The following CENPF variants were observed in gnomAD, a reference collection of about 807,000 sequenced individuals.
CENPF encodes the protein centromere protein F.
CENPF carries 214 observed loss-of-function variants against 307.3 expected under a neutral mutation model. The ratio of observed to expected loss-of-function variants is 0.70; its 90% CI spans 0.62 to 0.78. CENPF has a LOEUF of 0.78. Among genes scored for constraint, CENPF ranks in the 30% least tolerant of loss-of-function variants. CENPF has a pLI of 0.00. For missense variants in CENPF, 3,401 were observed against 3,483.9 expected, an observed-to-expected ratio of 0.98 and a Z score of 0.60; for synonymous variants, 1,259 against 1,270.6, an observed-to-expected ratio of 0.99 and a Z score of 0.19.
rs201909832 is a variant in CENPF at position 214,658,951 on chromosome 1, C to T, written c.9064C>T (p.Leu3022=). 9.3e-6 allele frequency: 15 copies of T among 1,614,106 alleles called. No individual in the cohort carries two copies. In the East Asian group the frequency reaches 3.1e-4, roughly 34 times the overall value. The change falls in exon 19 of 20, where the codon CTA becomes TTA. Residue 3022 remains leucine, a synonymous_variant. Transcript: ENST00000366955. Reference sequence around the variant, plus strand: ...CCGCCTGGCTGCACAGAAGTTAGCGCTATCCCCACTGAGTCTCGGCAAAGA... The same window carrying T: ...CCGCCTGGCTGCACAGAAGTTAGCGTTATCCCCACTGAGTCTCGGCAAAGA... ...SPRLAAQKLA[L]SPLSLGKENL... is the part of the protein sequence containing the mutation.
Position 214,640,130 on chromosome 1 carries a change from T to C in CENPF, c.1792T>C (p.Leu598=), listed in dbSNP as rs1289287752. The C allele has an allele frequency of 6.3e-7, 1 of 1,586,322 alleles. No individual in the cohort carries two copies. Among genetic ancestry groups the C allele is most frequent in the Non-Finnish European group, 8.5e-7 (1 of 1,172,674 alleles). ...CAAGACAGAGAAAGAGTCCAAAGCC[T>C]TGCTGAGTGCTTTAGAGTTAAAAAA... ...LSKTEKESKA[L]LSALELKKKE... The change falls in exon 12 of 20, where the codon TTG becomes CTG. Residue 598 remains leucine (L), a synonymous_variant. Transcript: ENST00000366955.
In CENPF at chr1:214,646,411, A is replaced by G. The variant is rs1658302152; in HGVS notation, c.6841A>G (p.Ile2281Val). ...AVAALCGDQE[I>V]MKATEQSLDP... ...AGCAGCCTTGTGTGGTGACCAAGAAATTATGAAGGCCACAGAACAGAGTCT... is the reference window on the plus strand; with the variant it reads ...AGCAGCCTTGTGTGGTGACCAAGAAGTTATGAAGGCCACAGAACAGAGTCT... The change falls in exon 13 of 20, where the codon ATT becomes GTT. Residue 2281 changes from isoleucine to valine, a missense_variant. Physicochemically the swap from Ile to Val is conservative, Grantham distance 29. Transcript: ENST00000366955. 6.2e-7 allele frequency: 1 copy of G among 1,614,014 alleles called. No homozygotes were observed. Among genetic ancestry groups the G allele is most frequent in the Admixed American group, 1.7e-5 (1 of 60,004 alleles).
intron 7 of CENPF, among the ~76,000 whole-genome samples, chr1:214,628,795 C>T (rs1020488690): frequency 6.6e-6 from 1 of 152,188 alleles, no homozygotes; most frequent in African/African-American, 2.4e-5. Flanking sequence ...AGGCTAACAC[C>T]ATTGCATTTT....
chr1:214,644,808 T>G lies in CENPF; in HGVS notation c.5238T>G (p.Ile1746Met). The G allele has an allele frequency of 6.2e-7, 1 of 1,614,016 alleles. No individual in the cohort carries two copies. Among genetic ancestry groups the G allele is most frequent in the Non-Finnish European group, 8.5e-7 (1 of 1,179,970 alleles). ...AAACCCAGGGCTCTTCAGAATGCAT[T>G]TCTGAATTGTCATTTTCTGGTCCTA... ...EDKTQGSSEC[I>M]SELSFSGPNA... Residue 1746 changes from isoleucine (I) to methionine (M), a missense_variant, in exon 13 of 20, where the codon ATT becomes ATG. By Grantham distance (10) the Ile-to-Met change is conservative. Coordinates refer to ENST00000366955, the MANE Select transcript of CENPF (RefSeq NM_016343.4).
chr1:214,610,172 A>G (rs1261752520), intron 1 of CENPF, among the ~76,000 whole-genome samples: 1 of 151,988 alleles, frequency 6.6e-6, no homozygotes, highest in Non-Finnish European at 1.5e-5. Flanking sequence ...ATGTGTCTTT[A>G]TGGCTGAATG....
chr1:214,641,626 T>G lies in CENPF; in HGVS notation c.3288T>G (p.Asn1096Lys), dbSNP rs752613202. The change falls in exon 12 of 20, where the codon AAT (asparagine) becomes AAG (lysine). Residue 1096 changes from asparagine (N) to lysine (K), a missense_variant. Coordinates refer to ENST00000366955, the MANE Select transcript of CENPF (RefSeq NM_016343.4). ...AATTAGCATTTGCTGAAGAAAGAAATCAGAATCTGATGCTAGAGTTGGAGA... is the reference window on the plus strand; with the variant it reads ...AATTAGCATTTGCTGAAGAAAGAAAGCAGAATCTGATGCTAGAGTTGGAGA... Reference protein sequence around the residue: ...LTKLAFAEERNQNLMLELETV... With the variant: ...LTKLAFAEERKQNLMLELETV... 4 of 1,562,774 alleles carry G rather than the reference T, an allele frequency of 2.6e-6. No individual in the cohort carries two copies. The highest frequency in any genetic ancestry group is 2.4e-5 in the South Asian group (2 of 82,222).
intron 8 of CENPF, 139 bp from the exon 9 acceptor site, chr1:214,630,395 C>G: frequency 1.0e-6 from 1 of 997,490 alleles, no homozygotes; most frequent in South Asian, 1.7e-5. Context: ...CTATGTTCAT[C>G]GTTAAGTGGA....
chr1:214,605,746 G>A, intron 1 of CENPF: 2 of 1,594,202 alleles, frequency 1.3e-6, no homozygotes, highest in Non-Finnish European at 1.7e-6. Flanking sequence ...TGTAGAGCTC[G>A]ATGTCGTTGT....
intron 8 of CENPF, among the ~76,000 whole-genome samples, chr1:214,629,783 C>G (rs1291173711): frequency 6.6e-6 from 1 of 152,112 alleles, no homozygotes; most frequent in Admixed American, 6.5e-5. Flanking sequence ...AACTCCTGAC[C>G]TCAGGTGATT....
rs561652377 is a variant in CENPF, at chr1:214,644,818, T to C, written c.5248T>C (p.Ser1750Pro). The C allele has an allele frequency of 8.1e-6, 13 of 1,614,080 alleles. No individual in the cohort carries two copies. The highest frequency in any genetic ancestry group is 6.7e-5 in the East Asian group (3 of 44,856). Residue 1750 changes from serine (S) to proline (P), a missense_variant, in exon 13 of 20, where the codon TCA becomes CCA. Coordinates refer to ENST00000366955, the MANE Select transcript of CENPF (RefSeq NM_016343.4). ...CTCTTCAGAATGCATTTCTGAATTG[T>C]CATTTTCTGGTCCTAATGCTTTGGT... ...QGSSECISEL[S>P]FSGPNALVPM...
chr1:214,650,361 G>A (rs1440781098), intron 14 of CENPF, among the ~76,000 whole-genome samples: 1 of 150,818 alleles, frequency 6.6e-6, no homozygotes, highest in Non-Finnish European at 1.5e-5. Flanking sequence ...TATGGAGGGG[G>A]TGGGAAAGGT....
chr1:214,608,694 C>A, intron 1 of CENPF: 1 of 1,594,742 alleles, frequency 6.3e-7, no homozygotes, highest in Admixed American at 1.7e-5. Flanking sequence ...AGGGGGCGGC[C>A]CCGGCCCCAC....
intron 19 of CENPF, among the ~76,000 whole-genome samples, chr1:214,662,707 T>G (rs1380097008): frequency 6.6e-6 from 1 of 152,214 alleles, no homozygotes; most frequent in Non-Finnish European, 1.5e-5. Context: ...TTTGCTTAGG[T>G]GAAGCTTTCC....
In CENPF at chr1:214,657,032, A is replaced by G; in HGVS notation, c.8585A>G (p.Asp2862Gly). The G allele has an allele frequency of 2.5e-6, 4 of 1,614,118 alleles. No individual in the cohort carries two copies. The highest frequency in any genetic ancestry group is 3.4e-6 in the Non-Finnish European group (4 of 1,179,976). ...ACCAAGGAGGCAGATGAATACTTGG[A>G]TAAGTACTGTTCCTTGCTTATAAGC... is the stretch of plus-strand genomic sequence containing the variant. Reference protein sequence around the residue: ...EKTKEADEYLDKYCSLLISHE... With the variant: ...EKTKEADEYLGKYCSLLISHE... Residue 2862 changes from aspartate to glycine, a missense_variant, in exon 18 of 20, where the codon GAT becomes GGT. By Grantham distance (94) the Asp-to-Gly change is moderately conservative. Coordinates refer to ENST00000366955, the MANE Select transcript of CENPF (RefSeq NM_016343.4).
chr1:214,627,818 T>C (rs531048641), intron 7 of CENPF, among the ~76,000 whole-genome samples: 3 of 152,356 alleles, frequency 2.0e-5, no homozygotes, highest in South Asian at 4.1e-4. Flanking sequence ...AATGTGTAAC[T>C]GAAATAAAAT....
At chr1:214,605,712 G>A in intron 1 of CENPF, 2 of 1,592,874 alleles carry the variant, frequency 1.3e-6, no homozygotes, top group Non-Finnish European at 8.5e-7. Flanking sequence ...GAGATGAAGC[G>A]ACGCAGGCCC....
chr1:214,646,267 C>T lies in CENPF; in HGVS notation c.6697C>T (p.Leu2233Phe). 2 of 1,614,090 alleles carry T rather than the reference C, an allele frequency of 1.2e-6. No homozygotes were observed. The highest frequency in any genetic ancestry group is 1.7e-6 in the Non-Finnish European group (2 of 1,180,010). Residue 2233 changes from leucine (L) to phenylalanine (F), a missense_variant, in exon 13 of 20, where the codon CTC (leucine) becomes TTC (phenylalanine). By Grantham distance (22) the Leu-to-Phe change is conservative. Transcript: ENST00000366955. ...QGQLSELDKL[L>F]SSFKSLLEEK... ...TCAGTTGTCAGAACTAGACAAGTTA[C>T]TCTCTTCATTTAAAAGTCTGTTAGA...
intron 5 of CENPF, 130 bp downstream of exon 5, chr1:214,619,350 G>T (rs979958622): frequency 9.8e-6 from 5 of 512,392 alleles, no homozygotes; most frequent in Non-Finnish European, 1.7e-5. Context: ...GCTGAGAAAA[G>T]GTTTTGGGCT....
chr1:214,609,908 T>C (rs1014658021), intron 1 of CENPF, among the ~76,000 whole-genome samples: 1 of 152,244 alleles, frequency 6.6e-6, no homozygotes, highest in African/African-American at 2.4e-5. Context: ...TTCCATGGTA[T>C]ATGTGTACTA....
Sources: allele counts gnomAD v4.1 joint callset (sites outside exome capture counted in the v4.1 genomes callset), GRCh38; gene constraint gnomAD v4.1.1; transcripts MANE v1.5; gene names NCBI Gene and HGNC (gene_info 2026-07-23, HGNC 2026-07-21).